Variants in ITGB2 observed in about 807,000 individuals in gnomAD.
The protein encoded by ITGB2 is integrin beta-2.
A neutral mutation model predicts 86.8 loss-of-function variants in ITGB2; 56 were observed. That is an observed-to-expected ratio of 0.65 (90% CI 0.52 to 0.81). ITGB2 has a LOEUF of 0.81. Ranked by LOEUF, ITGB2 falls within the 30% of genes least tolerant of loss-of-function variation. The pLI, the probability that ITGB2 is intolerant of heterozygous loss-of-function variation, is 0.00. For missense variants in ITGB2, 948 were observed against 1,061.2 expected (o/e 0.89, Z 1.48); for synonymous variants, 457 against 450.4 (o/e 1.01, Z -0.19).
At chr21:44,901,413 C>T in intron 6 of ITGB2, 79 bp downstream of exon 6, 2 of 1,544,202 alleles carry the variant, frequency 1.3e-6, no homozygotes, top group African/African-American at 1.4e-5. Flanking sequence ...CCAGGGTACC[C>T]CCCTGCCCCC....
intron 1 of ITGB2, among the ~76,000 whole-genome samples, chr21:44,916,566 C>T (rs1197009899): frequency 2.6e-5 from 4 of 152,132 alleles, no homozygotes. Context: ...AAGGAAACCT[C>T]AGCATAAAAG....
intron 8 of ITGB2, among the ~76,000 whole-genome samples, chr21:44,898,145 G>A (rs1357343397): frequency 6.6e-6 from 1 of 152,196 alleles, no homozygotes; most frequent in East Asian, 1.9e-4. Context: ...TTGACCTCTG[G>A]AGGGCTAGAG....
In ITGB2 at chr21:44,887,030, C is replaced by T; in HGVS notation, c.2081-128G>A. 3 of 1,094,380 alleles carry T rather than the reference C, an allele frequency of 2.7e-6. No individual in the cohort carries two copies. In the South Asian group the frequency reaches 4.0e-5, roughly 15 times the overall value. 67.8% of individuals were successfully genotyped at this position (1,094,380 alleles called of 1,614,324 possible). A position where few individuals can be genotyped will look rare whatever the true frequency, so the allele number is the denominator to read the frequency against. ...GGAGGTTCCCAGGGCCCCGGCTCACCATCCATCACCATGGCCAGGGGTCAG... is the reference window on the plus strand; with the variant it reads ...GGAGGTTCCCAGGGCCCCGGCTCACTATCCATCACCATGGCCAGGGGTCAG... On this transcript the variant is annotated intron_variant, in intron 14 of 15. Coordinates refer to ENST00000652462, the MANE Select transcript of ITGB2 (RefSeq NM_000211.5).
intron 3 of ITGB2, among the ~76,000 whole-genome samples, chr21:44,907,703 A>G (rs1035398584): frequency 3.9e-5 from 6 of 152,158 alleles, no homozygotes; most frequent in Non-Finnish European, 7.3e-5. Flanking sequence ...CTCTACAGGG[A>G]AGGGTGCTGG....
At position 44,890,261 on chromosome 21, in the gene ITGB2, G is replaced by T. The variant is rs748967660; in HGVS notation, c.1413-39C>A. 3.7e-6 allele frequency: 6 copies of T among 1,611,404 alleles called. No homozygotes were observed. In the East Asian group the frequency reaches 1.3e-4, roughly 36 times the overall value. On this transcript the variant is annotated intron_variant, in intron 11 of 15. Coordinates refer to ENST00000652462, the MANE Select transcript of ITGB2 (RefSeq NM_000211.5). ...GGGCCCCAAGGTCAGGCTCCCCCCA[G>T]TGATGTGGGACAAGGGACAGCCGCC... is the stretch of plus-strand genomic sequence containing the variant.
In ITGB2 at chr21:44,901,528, A is replaced by G; in HGVS notation, c.705T>C (p.Gly235=). 1 of 1,614,174 alleles carries G rather than the reference A, an allele frequency of 6.2e-7. No individual in the cohort carries two copies. The highest frequency in any genetic ancestry group is 8.5e-7 in the Non-Finnish European group (1 of 1,180,026). Residue 235 remains glycine (G), a synonymous_variant, in exon 6 of 16, where the codon GGT becomes GGC. Coordinates refer to ENST00000652462, the MANE Select transcript of ITGB2 (RefSeq NM_000211.5). ...LISGNLDAPE[G]GLDAMMQVAA... The stretch of plus-strand genomic sequence containing the variant: ...CGACCTGCATCATGGCGTCCAGCCC[A>G]CCCTCGGGTGCATCCAGGTTTCCGG...
chr21:44,928,730 T>C (rs556152349), exon 1 of ITGB2: 1 of 171,602 alleles, frequency 5.8e-6, no homozygotes, highest in Non-Finnish European at 1.3e-5. Context: ...ATACTTGACA[T>C]ATTTCTTTTC....
intron 14 of ITGB2, among the ~76,000 whole-genome samples, chr21:44,887,810 C>T (rs1473729489): frequency 6.6e-6 from 1 of 152,214 alleles, no homozygotes; most frequent in East Asian, 1.9e-4. Context: ...CCCAGGCCCA[C>T]ATGTGGGTTG....
chr21:44,922,137 A>G (rs958849240), upstream of ITGB2, among the ~76,000 whole-genome samples: 4 of 152,258 alleles, frequency 2.6e-5, no homozygotes, highest in African/African-American at 9.6e-5. Flanking sequence ...TTATGATGTC[A>G]TAACCTGTTG....
At chr21:44,914,787 G>A (rs923210472) in intron 1 of ITGB2, among the ~76,000 whole-genome samples, 5 of 152,114 alleles carry the variant, frequency 3.3e-5, no homozygotes, top group African/African-American at 1.2e-4. Flanking sequence ...AAATAAATTA[G>A]CCAGACATGG....
chr21:44,918,312 C>A (rs1024338275), intron 1 of ITGB2, among the ~76,000 whole-genome samples: 1 of 152,258 alleles, frequency 6.6e-6, no homozygotes, highest in Admixed American at 6.5e-5. Flanking sequence ...CACACAGGAC[C>A]TGTTCCATGG....
At chr21:44,891,521 G>C (rs114167959) in intron 11 of ITGB2, among the ~76,000 whole-genome samples, 1 of 152,188 alleles carries the variant, frequency 6.6e-6, no homozygotes, top group Non-Finnish European at 1.5e-5. Context: ...CTGGTGAGGG[G>C]GTCCTCCTGC....
intron 1 of ITGB2, among the ~76,000 whole-genome samples, chr21:44,913,743 C>A (rs934669404): frequency 6.6e-6 from 1 of 152,200 alleles, no homozygotes; most frequent in Non-Finnish European, 1.5e-5. Context: ...CCAGGATGGC[C>A]CACGGAGGTC....
Position 44,918,986 on chromosome 21 carries a change from C to T in ITGB2, c.-4+1835G>A, listed in dbSNP as rs150504119. Among the ~76,000 whole-genome samples the T allele has an allele frequency of 2.7e-3, 408 of 152,272 alleles. 3 individuals carry two copies. Among genetic ancestry groups the T allele is most frequent in the Non-Finnish European group, 7.2e-4 (49 of 67,992 alleles). On this transcript the variant is annotated intron_variant, in intron 1 of 15. Coordinates refer to ENST00000652462, the MANE Select transcript of ITGB2 (RefSeq NM_000211.5). ...GCTGAGCGTCCCCTCTCCCAGCACT[C>T]GGAGCTGAGCATTCCCCTCTCCCAG...
rs750477817 is a variant in ITGB2 at position 44,886,383 on chromosome 21, C to T, written c.2295G>A (p.Lys765=). The T allele has an allele frequency of 3.1e-6, 5 of 1,614,002 alleles. No individual in the cohort carries two copies. The highest frequency in any genetic ancestry group is 2.7e-5 in the African/African-American group (2 of 74,904). Residue 765 remains lysine, a synonymous_variant, in exon 16 of 16, where the codon AAG becomes AAA. Coordinates refer to ENST00000652462, the MANE Select transcript of ITGB2 (RefSeq NM_000211.5). ...CCAAGTGCTCCTAACTCTCAGCAAA[C>T]TTGGGGTTCATGACCGTCGTGGTGG... ...KSATTTVMNP[K]FAES
In ITGB2 at chr21:44,893,490, C is replaced by G. The variant is rs1273615785; in HGVS notation, c.1138G>C (p.Val380Leu). The change falls in exon 10 of 16, where the codon GTC (valine) becomes CTC (leucine). Residue 380 changes from valine (V) to leucine (L), a missense_variant. Coordinates refer to ENST00000652462, the MANE Select transcript of ITGB2 (RefSeq NM_000211.5). ...DHNALPDTLK[V>L]TYDSFCSNGV... ...TTGCTGCAGAAGGAGTCGTAGGTGA[C>G]TTTCAGGGTGTCGGGGAGGGCGTTG... The G allele has an allele frequency of 6.2e-7, 1 of 1,614,116 alleles. No homozygotes were observed. Among genetic ancestry groups the G allele is most frequent in the Non-Finnish European group, 8.5e-7 (1 of 1,180,006 alleles).
At chr21:44,926,219 C>CAG (rs1601347956) in intron 1 of ITGB2, among the ~76,000 whole-genome samples, 2 of 129,898 alleles carry the variant, frequency 1.5e-5, no homozygotes, top group East Asian at 2.0e-4. Context: ...CGTGACCTTG[C>CAG]TATGGGGGGA....
chr21:44,903,235 G>C (rs2083991300), intron 5 of ITGB2, 130 bp downstream of exon 5: 2 of 1,044,786 alleles, frequency 1.9e-6, no homozygotes, highest in Non-Finnish European at 1.5e-6. Context: ...GGATGCCCTG[G>C]GGGGACCTGC....
intron 1 of ITGB2, chr21:44,911,079 G>A (rs548036275): frequency 2.3e-5 from 12 of 522,450 alleles, no homozygotes; most frequent in Middle Eastern, 5.3e-4. Context: ...ACATGCAGAC[G>A]TGTACACACA....
Sources: allele counts gnomAD v4.1 joint callset (sites outside exome capture counted in the v4.1 genomes callset), GRCh38; gene constraint gnomAD v4.1.1; transcripts MANE v1.5; gene names NCBI Gene and HGNC (gene_info 2026-07-23, HGNC 2026-07-21).